The following ARMC5 variants were observed in gnomAD, a reference collection of about 807,000 sequenced individuals.
ARMC5 encodes the protein armadillo repeat containing 5, also known as armadillo repeat-containing protein 5.
ARMC5 carries 28 observed loss-of-function variants against 60.5 expected under a neutral mutation model. The observed-to-expected ratio is 0.46, with a 90% CI of 0.34 to 0.63. ARMC5 has a LOEUF of 0.63. Among genes scored for constraint, ARMC5 ranks in the 30% least tolerant of loss-of-function variants. ARMC5 has a pLI of 0.01. For synonymous variants in ARMC5, 680 were observed against 607.3 expected (o/e 1.12, Z -1.76); for missense variants, 1,189 against 1,304.9 (o/e 0.91, Z 1.37).
At position 31,459,514 on chromosome 16, in the gene ARMC5, C is replaced by G; in HGVS notation, c.-11C>G. 6.3e-7 allele frequency: 1 copy of G among 1,597,284 alleles called. No homozygotes were observed. Among genetic ancestry groups the G allele is most frequent in the East Asian group, 2.3e-5 (1 of 44,340 alleles). On this transcript the variant is annotated 5_prime_UTR_variant, in exon 1 of 6. Transcript: ENST00000268314. ...GCGAGAAGCGGGGCGGAGTCTGAGG[C>G]CCGAGCCAAGATGGCGGCTGCGAAG...
upstream of ARMC5, chr16:31,458,610 T>C: frequency 4.8e-6 from 7 of 1,448,854 alleles, no homozygotes; most frequent in South Asian, 5.2e-5. Context: ...TTGTAGACGG[T>C]TGCTCTTGGC....
chr16:31,460,056 T>C (rs2082291069), intron 1 of ARMC5, 57 bp downstream of exon 1: 2 of 1,561,080 alleles, frequency 1.3e-6, no homozygotes, highest in Non-Finnish European at 1.7e-6. Flanking sequence ...CCTTGCTCTC[T>C]AGACCCGGGC....
Position 31,464,985 on chromosome 16 carries a change from G to A in ARMC5, c.1864+98G>A, listed in dbSNP as rs199871926. 16 of 1,610,692 alleles carry A rather than the reference G, an allele frequency of 9.9e-6. No homozygotes were observed. In the East Asian group the frequency reaches 2.0e-4, roughly 20 times the overall value. ...CAGAACCTCACCTTCCCACTCACCTGTCCTCCCCAGCCCGTCCTCCAGACA... is the reference window on the plus strand; with the variant it reads ...CAGAACCTCACCTTCCCACTCACCTATCCTCCCCAGCCCGTCCTCCAGACA... On this transcript the variant is annotated intron_variant, in intron 4 of 5. Transcript: ENST00000268314. This position sits in a 1 kb window ranked among gnomAD's most constrained non-coding sequence, Gnocchi z 7.6.
In ARMC5 at chr16:31,466,998, C is replaced by T. The variant is rs1225187549; in HGVS notation, c.*109C>T. On this transcript the variant is annotated 3_prime_UTR_variant, in exon 6 of 6. Transcript: ENST00000268314. The surrounding 1 kb of genome is among the most constrained non-coding windows in gnomAD (Gnocchi z 8.0). ...AGCAGAAGGAGTCATCATGGAGGAGCGGTGAGAACATGGAACCGGACTCCA... is the reference window on the plus strand; with the variant it reads ...AGCAGAAGGAGTCATCATGGAGGAGTGGTGAGAACATGGAACCGGACTCCA... 6.0e-5 allele frequency: 79 copies of T among 1,309,150 alleles called. No homozygotes were observed. The highest frequency in any genetic ancestry group is 8.3e-5 in the East Asian group (3 of 36,082). 81.1% of individuals were successfully genotyped at this position (1,309,150 alleles called of 1,614,324 possible). A position where few individuals can be genotyped will look rare whatever the true frequency, so the allele number is the denominator to read the frequency against.
At chr16:31,459,128 A>G, upstream of ARMC5, 2 of 1,489,126 alleles carry the variant, frequency 1.3e-6, no homozygotes, top group Non-Finnish European at 1.8e-6. Context: ...GCGAGCCTAG[A>G]GGAGAAAAGG....
intron 1 of ARMC5, chr16:31,460,411 A>G (rs547986139): frequency 1.8e-5 from 3 of 165,064 alleles, no homozygotes; most frequent in East Asian, 3.6e-4. Flanking sequence ...TGGTTCAGAA[A>G]GGGAGATCTG....
Position 31,467,153 on chromosome 16 carries a change from A to G in ARMC5, c.*264A>G, listed in dbSNP as rs942809446. On this transcript the variant is annotated 3_prime_UTR_variant, in exon 6 of 6. Coordinates refer to ENST00000268314, the MANE Select transcript of ARMC5 (RefSeq NM_001105247.2). The stretch of plus-strand genomic sequence containing the variant: ...AGACCTCTGGAATTGAGATTAAACA[A>G]TTTGGAGTTGGATACCTGTGTTGTG... 15 of 389,664 alleles carry G rather than the reference A, an allele frequency of 3.8e-5. No homozygotes were observed. Among genetic ancestry groups the G allele is most frequent in the East Asian group, 2.4e-4 (6 of 24,856 alleles). The allele number at this position is 389,664 out of a possible 1,614,324, so 24.1% of individuals were successfully genotyped here.
At chr16:31,459,425 C>CA, upstream of ARMC5, 1 of 1,540,122 alleles carries the variant, frequency 6.5e-7, no homozygotes, top group Non-Finnish European at 8.7e-7. Context: ...TGGCGCTAAA[C>CA]AGCGTCAGCG....
chr16:31,464,794 C>T lies in ARMC5; in HGVS notation c.1771C>T (p.Leu591=), dbSNP rs1446257158. 6.3e-7 allele frequency: 1 copy of T among 1,598,430 alleles called. No individual in the cohort carries two copies. The highest frequency in any genetic ancestry group is 1.3e-5 in the African/African-American group (1 of 74,870). Reference sequence around the variant, plus strand: ...CTTCGTGCGCAGCTATGGCGCGGCGCTGCTGCGGGCCTGGCTGGTGCTGGG... The same window carrying T: ...CTTCGTGCGCAGCTATGGCGCGGCGTTGCTGCGGGCCTGGCTGGTGCTGGG... ...EAFVRSYGAA[L]LRAWLVLGVA... Residue 591 remains leucine (L), a synonymous_variant, in exon 4 of 6, where the codon CTG becomes TTG. Coordinates refer to ENST00000268314, the MANE Select transcript of ARMC5 (RefSeq NM_001105247.2). The surrounding 1 kb of genome is among the most constrained non-coding windows in gnomAD (Gnocchi z 7.6).
chr16:31,459,364 G>A (rs997402321), upstream of ARMC5: 7 of 1,536,280 alleles, frequency 4.6e-6, no homozygotes, highest in Non-Finnish European at 4.4e-6. Flanking sequence ...TCGTGTGCAA[G>A]GACAGACTTC....
At chr16:31,458,369 C>A, upstream of ARMC5, 1 of 1,530,452 alleles carries the variant, frequency 6.5e-7, no homozygotes, top group Non-Finnish European at 8.8e-7. Context: ...AGTCTTACCA[C>A]ACTAGGCACA....
Position 31,462,266 on chromosome 16 carries a change from GTC to G in ARMC5, c.720_721del (p.Pro241AlafsTer34). 4 of 1,609,530 alleles carry G rather than the reference GTC, an allele frequency of 2.5e-6. No individual in the cohort carries two copies. The highest frequency in any genetic ancestry group is 3.4e-6 in the Non-Finnish European group (4 of 1,179,952). ...GCCTTGGCACAGCAGGGAGCAGTGC[GTC>G]CGCTGGCCGAGCTCCTGGCCACTGC... is the stretch of plus-strand genomic sequence containing the variant. On this transcript the variant is annotated frameshift_variant, in exon 3 of 6. Coordinates refer to ENST00000268314, the MANE Select transcript of ARMC5 (RefSeq NM_001105247.2). LOFTEE classifies it high-confidence loss of function. The surrounding 1 kb of genome is among the most constrained non-coding windows in gnomAD (Gnocchi z 7.2).
Position 31,464,429 on chromosome 16 carries a change from C to T in ARMC5, c.1406C>T (p.Pro469Leu). Residue 469 changes from proline to leucine, a missense_variant, in exon 4 of 6, where the codon CCT (proline) becomes CTT (leucine). This residue lies in a region of ARMC5 where 862 missense variants were observed against 1,071.2 expected (regional missense o/e 0.80). Coordinates refer to ENST00000268314, the MANE Select transcript of ARMC5 (RefSeq NM_001105247.2). This position sits in a 1 kb window ranked among gnomAD's most constrained non-coding sequence, Gnocchi z 7.6. ...ATCTCCGAGGGCTATGCCACAGGCC[C>T]TGATGACATCTCCCCCGACTGGTCT... ...WLISEGYATG[P>L]DDISPDWSPE... 6.4e-7 allele frequency: 1 copy of T among 1,562,354 alleles called. No individual in the cohort carries two copies. The highest frequency in any genetic ancestry group is 2.3e-5 in the East Asian group (1 of 44,058).
chr16:31,462,960 G>A lies in ARMC5; in HGVS notation c.1370+43G>A, dbSNP rs2082318482. On this transcript the variant is annotated intron_variant, in intron 3 of 5. Transcript: ENST00000268314. This position sits in a 1 kb window ranked among gnomAD's most constrained non-coding sequence, Gnocchi z 7.2. ...GGCTTGGGAGGGTGAGCAGTGCAGT[G>A]ATGTGGGGTTTGTGTCTGTCTTGGT... The A allele has an allele frequency of 2.0e-6, 3 of 1,478,442 alleles. No homozygotes were observed. The highest frequency in any genetic ancestry group is 2.4e-5 in the East Asian group (1 of 41,084). 91.6% of individuals were successfully genotyped at this position (1,478,442 alleles called of 1,614,324 possible).
At chr16:31,465,439 A>G in intron 4 of ARMC5, 3 of 1,030,596 alleles carry the variant, frequency 2.9e-6, no homozygotes, top group East Asian at 2.9e-5. Context: ...GGTTTTTCCC[A>G]GGTTATGATT....
At position 31,459,689 on chromosome 16, in the gene ARMC5, G is replaced by C. The variant is rs757625031; in HGVS notation, c.165G>C (p.Ala55=). The C allele has an allele frequency of 4.5e-6, 7 of 1,570,982 alleles. No homozygotes were observed. Among genetic ancestry groups the C allele is most frequent in the African/African-American group, 4.2e-5 (3 of 72,192 alleles). ...LALRTRHIKA[A]GGIERFRARG... is the part of the protein sequence containing the mutation. The stretch of plus-strand genomic sequence containing the variant: ...TCCGCACGCGCCACATCAAGGCAGC[G>C]GGGGGAATCGAGCGCTTCCGGGCAC... The change falls in exon 1 of 6, where the codon GCG becomes GCC. Residue 55 remains alanine (A), a synonymous_variant. Coordinates refer to ENST00000268314, the MANE Select transcript of ARMC5 (RefSeq NM_001105247.2).
upstream of ARMC5, chr16:31,458,794 T>C: frequency 6.6e-7 from 1 of 1,524,162 alleles, no homozygotes; most frequent in Admixed American, 2.0e-5. Flanking sequence ...GTCCGGATTC[T>C]CCCTCGCCTC....
Position 31,466,193 on chromosome 16 carries a change from C to G in ARMC5, c.2112C>G (p.Ser704=), listed in dbSNP as rs762263861. 1.1e-5 allele frequency: 18 copies of G among 1,612,928 alleles called. No individual in the cohort carries two copies. Among genetic ancestry groups the G allele is most frequent in the African/African-American group, 1.3e-5 (1 of 75,056 alleles). ...TCTTCCTCTTCTTTGCCGCGGACTC[C>G]CTTTCCTGCCTCCAAGACCTGGTGT... ...HPLFLFFAAD[S]LSCLQDLVSP... The change falls in exon 6 of 6, where the codon TCC becomes TCG. Residue 704 remains serine, a synonymous_variant. Transcript: ENST00000268314. The surrounding 1 kb of genome is among the most constrained non-coding windows in gnomAD (Gnocchi z 8.0).
rs777973761 is a variant in ARMC5, at chr16:31,462,102, C to T, written c.584-29C>T. On this transcript the variant is annotated intron_variant, in intron 2 of 5. Transcript: ENST00000268314. The surrounding 1 kb of genome is among the most constrained non-coding windows in gnomAD (Gnocchi z 7.2). ...AGGCTTGAGTGTCTGTCCTTGTTCA[C>T]CCTCTGTGCTCCCCTTTCCTGCCCT... 1.9e-6 allele frequency: 3 copies of T among 1,612,664 alleles called. No homozygotes were observed. In the South Asian group the frequency reaches 3.3e-5, roughly 18 times the overall value.
Sources: gnomAD v4.1 joint callset for allele counts on GRCh38, gnomAD v4.1.1 for gene constraint, gnomAD v4.1.1 regional missense constraint, Gnocchi (gnomAD v3.1) non-coding constraint, MANE v1.5 for transcripts, NCBI Gene and HGNC (gene_info 2026-07-23, HGNC 2026-07-21) for gene names.